ITGA8: variants seen among roughly 807,000 people sequenced by gnomAD.
The protein encoded by ITGA8 is integrin subunit alpha 8.
Under a neutral mutation model 142.3 loss-of-function variants are expected in ITGA8, and 91 were observed. That is an observed-to-expected ratio of 0.64 (90% CI 0.54 to 0.76). The LOEUF (loss-of-function observed/expected upper bound fraction) is 0.76, where lower values mean the gene tolerates loss of function less well. Among genes scored for constraint, ITGA8 ranks in the 30% least tolerant of loss-of-function variants. The probability of loss-of-function intolerance (pLI) is 0.00; values close to 1 mark genes in which losing one functional copy is unlikely to be tolerated. For missense variants in ITGA8, 1,406 were observed against 1,327.7 expected, an observed-to-expected ratio of 1.06 and a Z score of -0.92; for synonymous variants, 505 against 485.2, an observed-to-expected ratio of 1.04 and a Z score of -0.54.
At chr10:15,583,748 G>C (rs975912666) in intron 23 of ITGA8, among the ~76,000 whole-genome samples, 1 of 152,134 alleles carries the variant, frequency 6.6e-6, no homozygotes, top group Non-Finnish European at 1.5e-5. Context: ...TAACTATGTG[G>C]AGTGATGGTA....
intron 11 of ITGA8, among the ~76,000 whole-genome samples, chr10:15,647,305 A>G (rs918833830): frequency 1.3e-5 from 2 of 152,206 alleles, no homozygotes; most frequent in African/African-American, 4.8e-5. Flanking sequence ...AACCACAGAT[A>G]TTTTACCATT....
At chr10:15,658,692 C>A (rs1834231382) in intron 10 of ITGA8, among the ~76,000 whole-genome samples, 1 of 152,210 alleles carries the variant, frequency 6.6e-6, no homozygotes, top group African/African-American at 2.4e-5. Context: ...CACTTCCCTC[C>A]TGTCTTATAT....
At chr10:15,697,046 AAC>A (rs1491456295) in intron 2 of ITGA8, among the ~76,000 whole-genome samples, 11 of 147,526 alleles carry the variant, frequency 7.5e-5, no homozygotes, top group South Asian at 2.2e-4. Flanking sequence ...TTGTCTCTAA[AAC>A]ACACACACAC....
At chr10:15,641,402 A>T (rs775117091) in intron 13 of ITGA8, among the ~76,000 whole-genome samples, 1 of 152,210 alleles carries the variant, frequency 6.6e-6, no homozygotes, top group Non-Finnish European at 1.5e-5. Flanking sequence ...GCAGCTTTCA[A>T]TCAACTGTAA....
chr10:15,663,383 C>G (rs1297542697), intron 8 of ITGA8, among the ~76,000 whole-genome samples: 1 of 151,388 alleles, frequency 6.6e-6, no homozygotes, highest in Admixed American at 6.6e-5. Flanking sequence ...AGCCTCAAAA[C>G]ACAAAATATC....
At chr10:15,606,475 T>C in intron 17 of ITGA8, 53 bp from the exon 18 acceptor site, 2 of 1,541,674 alleles carry the variant, frequency 1.3e-6, no homozygotes, top group African/African-American at 1.4e-5. Context: ...AGCTGCAAGA[T>C]GTCAGTCTGC....
At chr10:15,537,513 A>C (rs1376687) in intron 27 of ITGA8, among the ~76,000 whole-genome samples, 30,159 of 152,120 alleles carry the variant, frequency 0.2, 4,036 homozygotes, top group African/African-American at 0.38. Flanking sequence ...TTCCAAAGCC[A>C]CTCAATTACT....
At position 15,655,383 on chromosome 10, in the gene ITGA8, G is replaced by C; in HGVS notation, c.972C>G (p.Thr324=). The change falls in exon 11 of 30, where the codon ACC becomes ACG. Residue 324 remains threonine, a synonymous_variant. Transcript: ENST00000378076. ...GEQMASYFGY[T]VVVSDVNSDG... The stretch of plus-strand genomic sequence containing the variant: ...CACTGTTAACATCTGATACGACAAC[G>C]GTATATCCAAAATAAGATGCCATCT... 2 of 1,610,292 alleles carry C rather than the reference G, an allele frequency of 1.2e-6. No homozygotes were observed. Among genetic ancestry groups the C allele is most frequent in the Non-Finnish European group, 1.7e-6 (2 of 1,176,966 alleles).
In ITGA8 at chr10:15,527,932, T is replaced by TC. The variant is rs1554768987; in HGVS notation, c.2982+3117_2982+3118insG. On this transcript the variant is annotated intron_variant, in intron 28 of 29. Transcript: ENST00000378076. The stretch of plus-strand genomic sequence containing the variant: ...TTTTTTTTTTTTTTTTTTTTTTTTT[T>TC]TGAGACAGGTTCTTGCTCTGTTGCC... Among the ~76,000 whole-genome samples, 35 of 141,820 alleles carry TC rather than the reference T, an allele frequency of 2.5e-4. 1 individual carries two copies. The highest frequency in any genetic ancestry group is 8.7e-4 in the African/African-American group (33 of 38,056). 93.0% of individuals were successfully genotyped at this position (141,820 alleles called of 152,430 possible). A position where few individuals can be genotyped will look rare whatever the true frequency, so the allele number is the denominator to read the frequency against.
chr10:15,566,119 ACT>A (rs1834074766), intron 25 of ITGA8, among the ~76,000 whole-genome samples: 1 of 151,960 alleles, frequency 6.6e-6, no homozygotes, highest in Non-Finnish European at 1.5e-5. Context: ...CTAAAACATA[ACT>A]CTAAAACTCT....
At chr10:15,599,339 T>C (rs1185980796) in intron 20 of ITGA8, among the ~76,000 whole-genome samples, 1 of 152,128 alleles carries the variant, frequency 6.6e-6, no homozygotes, top group Non-Finnish European at 1.5e-5. Flanking sequence ...GCTCTTAGAG[T>C]GTTCTTCATT....
chr10:15,707,224 C>G (rs752617189), intron 2 of ITGA8, among the ~76,000 whole-genome samples: 1 of 152,170 alleles, frequency 6.6e-6, no homozygotes. Context: ...GGTTGCTAAT[C>G]AGCTGATCTC....
intron 13 of ITGA8, among the ~76,000 whole-genome samples, chr10:15,634,758 T>C (rs1288426619): frequency 6.6e-6 from 1 of 152,140 alleles, no homozygotes; most frequent in Non-Finnish European, 1.5e-5. Flanking sequence ...GATTGAATCA[T>C]GGGACTAGAA....
At chr10:15,705,110 G>A (rs1004054129) in intron 2 of ITGA8, among the ~76,000 whole-genome samples, 5 of 152,042 alleles carry the variant, frequency 3.3e-5, no homozygotes, top group Non-Finnish European at 4.4e-5. Flanking sequence ...ATTAACACTC[G>A]AGAGGAAATT....
chr10:15,708,122 C>CATCTGCCTG lies in ITGA8; in HGVS notation c.343+10635_343+10643dup, dbSNP rs143825263. On this transcript the variant is annotated intron_variant, in intron 2 of 29. Transcript: ENST00000378076. ...TGGACGTACTCCACGTCAAGAACAG[C>CATCTGCCTG]ATCTGCCTGTGCAGGGTTGCAAATA... Among the ~76,000 whole-genome samples, 1,124 of 152,312 alleles carry CATCTGCCTG rather than the reference C, an allele frequency of 7.4e-3. 32 individuals carry two copies. The highest frequency in any genetic ancestry group is 0.071 in the East Asian group (365 of 5,170).
At chr10:15,519,708 T>G (rs1321529884) in intron 28 of ITGA8, among the ~76,000 whole-genome samples, 5 of 152,162 alleles carry the variant, frequency 3.3e-5, no homozygotes, top group African/African-American at 4.8e-5. Context: ...TGGAAAGGAA[T>G]GGCCTTCACT....
intron 4 of ITGA8, among the ~76,000 whole-genome samples, chr10:15,683,410 G>C (rs1411730769): frequency 6.7e-6 from 1 of 149,734 alleles, no homozygotes; most frequent in South Asian, 2.2e-4. Context: ...CCCCAAAGAT[G>C]ACACTCCCAG....
At chr10:15,692,940 C>T (rs1256316890) in intron 2 of ITGA8, among the ~76,000 whole-genome samples, 1 of 152,100 alleles carries the variant, frequency 6.6e-6, no homozygotes, top group Non-Finnish European at 1.5e-5. Context: ...CAGTGATGCA[C>T]ATCTGTAGTC....
intron 13 of ITGA8, among the ~76,000 whole-genome samples, chr10:15,642,868 C>T (rs1479985827): frequency 6.6e-6 from 1 of 152,178 alleles, no homozygotes; most frequent in Non-Finnish European, 1.5e-5. Context: ...TTACTGGATG[C>T]TGCCCCAAAC....
Sources: gnomAD v4.1 joint callset for allele counts (sites outside exome capture counted in the v4.1 genomes callset) on GRCh38, gnomAD v4.1.1 for gene constraint, MANE v1.5 for transcripts, NCBI Gene and HGNC (gene_info 2026-07-23, HGNC 2026-07-21) for gene names.